Variants in MYT1L observed in about 807,000 individuals in gnomAD.
MYT1L encodes myelin transcription factor 1-like protein.
A neutral mutation model predicts 126.7 loss-of-function variants in MYT1L; 12 were observed. The ratio of observed to expected loss-of-function variants is 0.09; its 90% CI spans 0.06 to 0.15. The LOEUF is 0.15. Among genes scored for constraint, MYT1L ranks in the 10% least tolerant of loss-of-function variants. The probability of loss-of-function intolerance (pLI) is 1.00; values close to 1 mark genes in which losing one functional copy is unlikely to be tolerated. For missense variants in MYT1L, 979 were observed against 1,585.2 expected (o/e 0.62, Z 6.49); for synonymous variants, 541 against 604.2 (o/e 0.90, Z 1.53).
intron 21 of MYT1L, chr2:1,816,664 T>C (rs1434310924): frequency 6.5e-6 from 1 of 152,768 alleles, no homozygotes; most frequent in Non-Finnish European, 1.5e-5. Flanking sequence ...TGGTGCACGT[T>C]GGCTGCTTTG....
intron 21 of MYT1L, among the ~76,000 whole-genome samples, chr2:1,820,394 G>C (rs2038359801): frequency 6.6e-6 from 1 of 152,134 alleles, no homozygotes; most frequent in Non-Finnish European, 1.5e-5. Context: ...AAAATTTCAT[G>C]ATGATGAACC....
At chr2:2,137,227 G>A (rs1260547807) in intron 3 of MYT1L, among the ~76,000 whole-genome samples, 6 of 152,286 alleles carry the variant, frequency 3.9e-5, no homozygotes, top group Admixed American at 6.5e-5. Context: ...ATGCTCATGG[G>A]TGGGAAGAAT....
chr2:1,857,183 C>A, intron 18 of MYT1L, among the ~76,000 whole-genome samples: 1 of 152,346 alleles, frequency 6.6e-6, no homozygotes, highest in East Asian at 1.9e-4. Flanking sequence ...AGCATGACTG[C>A]GGGCCAAGAC....
chr2:2,169,460 T>A (rs1318934196), intron 3 of MYT1L, among the ~76,000 whole-genome samples: 1 of 152,202 alleles, frequency 6.6e-6, no homozygotes, highest in Admixed American at 6.5e-5. Flanking sequence ...ACATGCCAAA[T>A]AAGATTTTTT....
intron 11 of MYT1L, among the ~76,000 whole-genome samples, chr2:1,914,760 C>G (rs1030584892): frequency 1.3e-5 from 2 of 152,244 alleles, no homozygotes; most frequent in African/African-American, 4.8e-5. Flanking sequence ...TCTTACTCCT[C>G]ACGTGTGCTG....
chr2:1,823,189 G>A (rs370737015), intron 21 of MYT1L, among the ~76,000 whole-genome samples: 1 of 152,212 alleles, frequency 6.6e-6, no homozygotes, highest in Non-Finnish European at 1.5e-5. Flanking sequence ...CAGCCCTGTG[G>A]CAGCTTGGCC....
chr2:2,025,080 C>A (rs974426873), intron 4 of MYT1L, among the ~76,000 whole-genome samples: 1 of 152,182 alleles, frequency 6.6e-6, no homozygotes, highest in East Asian at 1.9e-4. Context: ...TGGACATGTT[C>A]TGTGTTTTTA....
Position 2,256,944 on chromosome 2 carries a change from CAT to C in MYT1L, c.-421+27458_-421+27459del, listed in dbSNP as rs377277156. 2.9e-3 allele frequency among the ~76,000 whole-genome samples: 445 copies of C among 152,302 alleles called. 1 individual carries two copies. Among genetic ancestry groups the C allele is most frequent in the African/African-American group, 9.0e-3 (374 of 41,552 alleles). The stretch of plus-strand genomic sequence containing the variant: ...ACACAGACACACAGGCACTTATAAA[CAT>C]GTGTGTAGTCATACATACATAGGTT... On this transcript the variant is annotated intron_variant, in intron 2 of 24. Transcript: ENST00000647738.
Position 2,087,609 on chromosome 2 carries a change from A to G in MYT1L, c.-303-33486T>C, listed in dbSNP as rs937454609. Reference sequence around the variant, plus strand: ...AAAAGTATTTTAGAATCTGTTAAATAAGAGCTTGGTCCTAAATAAAATATG... The same window carrying G: ...AAAAGTATTTTAGAATCTGTTAAATGAGAGCTTGGTCCTAAATAAAATATG... On this transcript the variant is annotated intron_variant, in intron 3 of 24. Transcript: ENST00000647738. Among the ~76,000 whole-genome samples the G allele has an allele frequency of 2.0e-5, 3 of 152,212 alleles. No individual in the cohort carries two copies. In the East Asian group the frequency reaches 5.8e-4, roughly 29 times the overall value.
intron 18 of MYT1L, among the ~76,000 whole-genome samples, chr2:1,880,697 G>A: frequency 6.6e-6 from 1 of 152,214 alleles, no homozygotes; most frequent in East Asian, 1.9e-4. Context: ...GCTTCACAGG[G>A]AAGGAAACTG....
chr2:2,156,162 T>C (rs1416388660), intron 3 of MYT1L, among the ~76,000 whole-genome samples: 2 of 152,186 alleles, frequency 1.3e-5, no homozygotes, highest in Non-Finnish European at 2.9e-5. Flanking sequence ...CTTGTAAAAA[T>C]AACCTAAAAT....
chr2:2,301,591 G>A (rs1399163636), intron 1 of MYT1L, among the ~76,000 whole-genome samples: 1 of 152,118 alleles, frequency 6.6e-6, no homozygotes, highest in Non-Finnish European at 1.5e-5. Flanking sequence ...GCACTTGGGA[G>A]GCTGAGGCAG....
At chr2:2,217,669 T>TCAA (rs201935161) in intron 2 of MYT1L, among the ~76,000 whole-genome samples, 5,379 of 92,134 alleles carry the variant, frequency 0.058, 358 homozygotes, top group Admixed American at 0.17. Context: ...AAACTCCATC[T>TCAA]CAACAACAAC....
intron 21 of MYT1L, among the ~76,000 whole-genome samples, chr2:1,834,919 G>A (rs1345253307): frequency 3.2e-5 from 4 of 126,098 alleles, no homozygotes; most frequent in African/African-American, 1.2e-4. Flanking sequence ...CACATACCAC[G>A]GGGATGGATA....
intron 2 of MYT1L, among the ~76,000 whole-genome samples, chr2:2,263,741 C>T (rs1229233101): frequency 6.6e-6 from 1 of 152,142 alleles, no homozygotes; most frequent in Non-Finnish European, 1.5e-5. Context: ...TCAGGATCCT[C>T]AGACGCTCCT....
chr2:2,050,553 C>T (rs1170272490), intron 4 of MYT1L, among the ~76,000 whole-genome samples: 1 of 152,096 alleles, frequency 6.6e-6, no homozygotes, highest in East Asian at 1.9e-4. Flanking sequence ...ATCACAGTGG[C>T]TAATTGGGAC....
At chr2:2,284,757 G>A (rs1299553836) in intron 1 of MYT1L, among the ~76,000 whole-genome samples, 2 of 147,524 alleles carry the variant, frequency 1.4e-5, no homozygotes, top group Admixed American at 6.8e-5. Flanking sequence ...CCAGGCTGGA[G>A]TGCAGTGGCG....
At chr2:1,949,089 C>T (rs1351388257) in intron 8 of MYT1L, among the ~76,000 whole-genome samples, 1 of 152,094 alleles carries the variant, frequency 6.6e-6, no homozygotes, top group Non-Finnish European at 1.5e-5. Context: ...CAAAATACCC[C>T]TCCCGTCATT....
chr2:2,069,145 C>T (rs1002220469), intron 3 of MYT1L, among the ~76,000 whole-genome samples: 2 of 152,148 alleles, frequency 1.3e-5, no homozygotes, highest in African/African-American at 4.8e-5. Context: ...CACAGGCATA[C>T]ATGTGCCATG....
Sources: gnomAD v4.1 joint callset for allele counts (sites outside exome capture counted in the v4.1 genomes callset) on GRCh38, gnomAD v4.1.1 for gene constraint, MANE v1.5 for transcripts, NCBI Gene and HGNC (gene_info 2026-07-23, HGNC 2026-07-21) for gene names.